The following GABRR3 variants were observed in gnomAD, a reference collection of about 807,000 sequenced individuals.
The protein encoded by GABRR3 is gamma-aminobutyric acid receptor subunit rho-3.
A neutral mutation model predicts 43.2 loss-of-function variants in GABRR3; 29 were observed. The observed-to-expected ratio is 0.67, with a 90% CI of 0.50 to 0.92. The LOEUF (loss-of-function observed/expected upper bound fraction) is 0.92, where lower values mean the gene tolerates loss of function less well. Among genes scored for constraint, GABRR3 ranks in the 40% least tolerant of loss-of-function variants. The pLI is 0.00. For missense variants in GABRR3, 576 were observed against 572.3 expected, an observed-to-expected ratio of 1.01 and a Z score of -0.07; for synonymous variants, 206 against 195.9, an observed-to-expected ratio of 1.05 and a Z score of -0.43.
At chr3:98,030,591 T>C (rs1559782533) in intron 2 of GABRR3, among the ~76,000 whole-genome samples, 1 of 152,194 alleles carries the variant, frequency 6.6e-6, no homozygotes, top group Non-Finnish European at 1.5e-5. Flanking sequence ...AAAAATCCAT[T>C]ATTGCTATTG....
intron 3 of GABRR3, 116 bp downstream of exon 3, chr3:98,025,451 C>T: frequency 1.6e-6 from 1 of 627,908 alleles, no homozygotes; most frequent in Non-Finnish European, 2.7e-6. Context: ...TAAAAGCCTT[C>T]TTTTTTTGTT....
At chr3:98,024,230 G>A (rs943941521) in intron 3 of GABRR3, among the ~76,000 whole-genome samples, 1 of 151,892 alleles carries the variant, frequency 6.6e-6, no homozygotes, top group Non-Finnish European at 1.5e-5. Context: ...CTGGTTTCAC[G>A]TGCCTGTAAT....
chr3:97,986,835 C>T lies in GABRR3; in HGVS notation c.1252G>A (p.Asp418Asn), dbSNP rs748321383. 74 of 1,612,568 alleles carry T rather than the reference C, an allele frequency of 4.6e-5. No individual in the cohort carries two copies. Among genetic ancestry groups the T allele is most frequent in the South Asian group, 9.9e-5 (9 of 90,674 alleles). ...TTTCTTCTCTTTATCCGAGATGAAT[C>T]GGTGCTGGGGCTGCATATCGATTTT... Residue 418 changes from aspartate to asparagine, a missense_variant, in exon 10 of 10, where the codon GAT becomes AAT. Physicochemically the swap from Asp to Asn is conservative, Grantham distance 23. Transcript: ENST00000621172.
chr3:98,000,270 T>C (rs1417162640), intron 8 of GABRR3: 1 of 152,120 alleles, frequency 6.6e-6, no homozygotes. Flanking sequence ...CACCCTTCCA[T>C]GGAAGTAGCT....
At chr3:98,012,805 G>A (rs1706818174) in intron 4 of GABRR3, among the ~76,000 whole-genome samples, 1 of 152,170 alleles carries the variant, frequency 6.6e-6, no homozygotes, top group South Asian at 2.1e-4. Context: ...GAATATTCAA[G>A]TTGGGGAAGG....
At chr3:98,032,185 A>G (rs1015169787) in intron 2 of GABRR3, among the ~76,000 whole-genome samples, 1 of 152,164 alleles carries the variant, frequency 6.6e-6, no homozygotes, top group Non-Finnish European at 1.5e-5. Flanking sequence ...CTCAAGAGCA[A>G]CAGATGATAA....
chr3:98,033,873 G>C (rs753073553), intron 2 of GABRR3, among the ~76,000 whole-genome samples: 8 of 152,140 alleles, frequency 5.3e-5, no homozygotes, highest in Non-Finnish European at 1.2e-4. Context: ...TAATCGCAGT[G>C]CAGGAATCAG....
At chr3:98,011,693 T>C (rs1706794102) in intron 5 of GABRR3, among the ~76,000 whole-genome samples, 1 of 152,170 alleles carries the variant, frequency 6.6e-6, no homozygotes, top group Non-Finnish European at 1.5e-5. Flanking sequence ...TATCATTTCT[T>C]CACCCTACTT....
chr3:97,989,624 C>G (rs1706436602), intron 9 of GABRR3, among the ~76,000 whole-genome samples: 1 of 151,988 alleles, frequency 6.6e-6, no homozygotes, highest in Non-Finnish European at 1.5e-5. Context: ...AGCCCTTTCT[C>G]ATCATCCTTT....
chr3:98,013,482 G>A (rs951381580), intron 4 of GABRR3, among the ~76,000 whole-genome samples: 1 of 152,026 alleles, frequency 6.6e-6, no homozygotes, highest in Admixed American at 6.6e-5. Context: ...CTACTATTTT[G>A]CAATTGCTTA....
At chr3:97,987,118 ATT>A in intron 9 of GABRR3, 136 bp from the exon 10 acceptor site, 1 of 634,488 alleles carries the variant, frequency 1.6e-6, no homozygotes, top group Non-Finnish European at 2.6e-6. Context: ...TTTTCAACTT[ATT>A]TTTTTCTTTA....
intron 9 of GABRR3, among the ~76,000 whole-genome samples, chr3:97,989,071 G>A (rs1706427930): frequency 1.3e-5 from 2 of 151,296 alleles, no homozygotes; most frequent in Admixed American, 1.3e-4. Flanking sequence ...GGTGGTGGAT[G>A]GTGTTGGTGA....
In GABRR3 at chr3:98,018,543, C is replaced by A. The variant is rs115869547; in HGVS notation, c.239-821G>T. Among the ~76,000 whole-genome samples, 1,233 of 152,194 alleles carry A rather than the reference C, an allele frequency of 8.1e-3. 12 individuals are homozygous for A. Among genetic ancestry groups the A allele is most frequent in the African/African-American group, 0.028 (1,182 of 41,514 alleles). ...ACTAGACTGACATTTCCTAGTTACA[C>A]CTAACAAACGATTTCACCACTTCCA... On this transcript the variant is annotated intron_variant, in intron 3 of 9. Transcript: ENST00000621172.
chr3:97,997,215 C>T (rs1706572801), intron 8 of GABRR3, among the ~76,000 whole-genome samples: 2 of 152,234 alleles, frequency 1.3e-5, no homozygotes, highest in African/African-American at 4.8e-5. Flanking sequence ...TCACTGAAGG[C>T]TTTCGGCCAT....
intron 7 of GABRR3, 67 bp downstream of exon 7, chr3:98,007,697 T>C: frequency 1.3e-6 from 2 of 1,562,550 alleles, no homozygotes; most frequent in Non-Finnish European, 1.8e-6. Flanking sequence ...TTTTCGCATG[T>C]TGTGGTGCTT....
At chr3:97,988,923 G>A (rs1706423567) in intron 9 of GABRR3, among the ~76,000 whole-genome samples, 2 of 150,234 alleles carry the variant, frequency 1.3e-5, no homozygotes, top group Admixed American at 1.3e-4. Context: ...GTAGGGTAGA[G>A]GTAGTGAGTG....
At chr3:98,007,422 G>A (rs550483235) in intron 7 of GABRR3, among the ~76,000 whole-genome samples, 35 of 152,304 alleles carry the variant, frequency 2.3e-4, no homozygotes, top group African/African-American at 7.5e-4. Flanking sequence ...GACTGATCAC[G>A]TTGAGAAACT....
At chr3:98,027,169 A>G (rs1476807597) in intron 2 of GABRR3, among the ~76,000 whole-genome samples, 1 of 152,232 alleles carries the variant, frequency 6.6e-6, no homozygotes, top group Non-Finnish European at 1.5e-5. Flanking sequence ...AGCTTTTATT[A>G]AATGTCTACT....
At chr3:98,032,964 G>A (rs1263724614) in intron 2 of GABRR3, among the ~76,000 whole-genome samples, 4 of 152,096 alleles carry the variant, frequency 2.6e-5, no homozygotes, top group African/African-American at 9.7e-5. Context: ...ACATACTAAG[G>A]TAGGAAGACT....
Sources: gnomAD v4.1 joint callset for allele counts (sites outside exome capture counted in the v4.1 genomes callset) on GRCh38, gnomAD v4.1.1 for gene constraint, MANE v1.5 for transcripts, NCBI Gene and HGNC (gene_info 2026-07-23, HGNC 2026-07-21) for gene names.